The following CACHD1 variants were observed in gnomAD, a reference collection of about 807,000 sequenced individuals.
CACHD1 encodes the protein VWFA and cache domain-containing protein 1.
CACHD1 carries 71 observed loss-of-function variants against 138.7 expected under a neutral mutation model. The ratio of observed to expected loss-of-function variants is 0.51; its 90% CI spans 0.42 to 0.62. The LOEUF is 0.62. CACHD1 is among the 20% of genes least tolerant of loss of function. The pLI is 0.00. For synonymous variants in CACHD1, 578 were observed against 591.5 expected (o/e 0.98, Z 0.33); for missense variants, 1,389 against 1,625.3 (o/e 0.85, Z 2.50).
At chr1:64,673,536 A>G (rs988437459) in intron 19 of CACHD1, 72 bp downstream of exon 19, 10 of 1,194,668 alleles carry the variant, frequency 8.4e-6, no homozygotes, top group South Asian at 3.7e-5. Flanking sequence ...AATCATGGCT[A>G]GTGTCTGAAT....
chr1:64,658,518 C>G (rs1274435498), intron 12 of CACHD1, among the ~76,000 whole-genome samples, 187 bp from the exon 13 acceptor site: 3 of 152,104 alleles, frequency 2.0e-5, no homozygotes, highest in African/African-American at 7.2e-5. Context: ...GAAAAGAAAA[C>G]AGAAAATACA....
At chr1:64,620,718 C>A (rs111994839) in intron 4 of CACHD1, among the ~76,000 whole-genome samples, 1 of 152,144 alleles carries the variant, frequency 6.6e-6, no homozygotes, top group African/African-American at 2.4e-5. Context: ...TAATCTTTCT[C>A]AATGCATTAA....
chr1:64,683,767 C>G (rs74350455), intron 26 of CACHD1, among the ~76,000 whole-genome samples: 1,970 of 152,306 alleles, frequency 0.013, 42 homozygotes, highest in African/African-American at 0.045. Flanking sequence ...TTGACACTCC[C>G]CATATTCCAA....
At position 64,663,789 on chromosome 1, in the gene CACHD1, C is replaced by T. The variant is rs533984330; in HGVS notation, c.2046C>T (p.Thr682=). ...PETKRMVEHY[T]AYLSDNTRLI... is the part of the protein sequence containing the mutation. Reference sequence around the variant, plus strand: ...CAAAGCGCATGGTAGAGCACTACACCGCCTATCTCAGCGACAACACCCGCC... The same window carrying T: ...CAAAGCGCATGGTAGAGCACTACACTGCCTATCTCAGCGACAACACCCGCC... Residue 682 remains threonine (T), a synonymous_variant, in exon 14 of 27, where the codon ACC becomes ACT. Transcript: ENST00000651257. 73 of 1,614,076 alleles carry T rather than the reference C, an allele frequency of 4.5e-5. 1 individual carries two copies. The South Asian group carries it at 7.4e-4, about 16-fold the overall frequency.
At chr1:64,587,129 A>G (rs1392790964) in intron 3 of CACHD1, among the ~76,000 whole-genome samples, 1 of 152,232 alleles carries the variant, frequency 6.6e-6, no homozygotes, top group Non-Finnish European at 1.5e-5. Context: ...ACCCAGTGGT[A>G]TGATGGCTGT....
chr1:64,631,439 G>C (rs955481503), intron 5 of CACHD1, among the ~76,000 whole-genome samples: 2 of 152,132 alleles, frequency 1.3e-5, no homozygotes, highest in African/African-American at 4.8e-5. Context: ...ATTACTGCAG[G>C]ACTTTGGGCT....
intron 3 of CACHD1, among the ~76,000 whole-genome samples, chr1:64,598,318 T>A (rs140069779): frequency 2.0e-5 from 3 of 152,204 alleles, no homozygotes; most frequent in Admixed American, 1.3e-4. Flanking sequence ...TTTCTAGGCT[T>A]TTCATGCTAA....
At chr1:64,477,487 T>C (rs979634874) in intron 1 of CACHD1, among the ~76,000 whole-genome samples, 1 of 151,998 alleles carries the variant, frequency 6.6e-6, no homozygotes, top group African/African-American at 2.4e-5. Flanking sequence ...AAATAGCATA[T>C]GAATATCCAC....
intron 2 of CACHD1, among the ~76,000 whole-genome samples, chr1:64,565,275 G>C (rs574224414): frequency 1.3e-5 from 2 of 152,100 alleles, no homozygotes; most frequent in African/African-American, 2.4e-5. Context: ...CTCTTACCCA[G>C]ATCCACACTT....
intron 3 of CACHD1, among the ~76,000 whole-genome samples, chr1:64,590,962 C>T (rs1647095578): frequency 6.6e-6 from 1 of 152,192 alleles, no homozygotes; most frequent in Non-Finnish European, 1.5e-5. Context: ...AACTATATTT[C>T]AGAGACTCTT....
chr1:64,598,934 A>G (rs1481906789), intron 3 of CACHD1, among the ~76,000 whole-genome samples: 1 of 129,890 alleles, frequency 7.7e-6, no homozygotes, highest in Admixed American at 8.1e-5. Flanking sequence ...ATTATTATAT[A>G]TTAATATTAA....
chr1:64,627,284 A>G (rs559422758), intron 4 of CACHD1, among the ~76,000 whole-genome samples: 3 of 152,220 alleles, frequency 2.0e-5, no homozygotes, highest in Non-Finnish European at 4.4e-5. Context: ...GTGCCCACCT[A>G]TAGTCTTAGC....
intron 3 of CACHD1, among the ~76,000 whole-genome samples, chr1:64,595,676 T>C (rs1647144768): frequency 6.6e-6 from 1 of 152,200 alleles, no homozygotes; most frequent in Non-Finnish European, 1.5e-5. Flanking sequence ...ACCCTAGATG[T>C]CACCTGTGCA....
chr1:64,559,785 A>G (rs1363456450), intron 2 of CACHD1, among the ~76,000 whole-genome samples: 1 of 152,098 alleles, frequency 6.6e-6, no homozygotes, highest in East Asian at 1.9e-4. Flanking sequence ...TGGACCTGAT[A>G]TTTTCTCTGC....
intron 1 of CACHD1, among the ~76,000 whole-genome samples, chr1:64,494,699 G>A (rs1235885100): frequency 1.3e-5 from 2 of 152,104 alleles, no homozygotes; most frequent in African/African-American, 4.8e-5. Flanking sequence ...AGGAAAGGGG[G>A]GAAAATCTCC....
intron 1 of CACHD1, among the ~76,000 whole-genome samples, chr1:64,484,096 A>G (rs1646227570): frequency 6.6e-6 from 1 of 152,096 alleles, no homozygotes; most frequent in Non-Finnish European, 1.5e-5. Flanking sequence ...GTTCAATGCT[A>G]TATTCCTGTA....
chr1:64,504,715 C>T (rs1051061313), intron 1 of CACHD1, among the ~76,000 whole-genome samples: 1 of 152,160 alleles, frequency 6.6e-6, no homozygotes, highest in Non-Finnish European at 1.5e-5. Context: ...TACTCATGGG[C>T]AACGTACCTG....
chr1:64,472,060 G>C (rs1646148650), intron 1 of CACHD1, among the ~76,000 whole-genome samples: 1 of 152,140 alleles, frequency 6.6e-6, no homozygotes, highest in South Asian at 2.1e-4. Context: ...TCGAAAGATT[G>C]AAGTTTCCAA....
At chr1:64,630,016 C>T (rs1648245654) in intron 5 of CACHD1, among the ~76,000 whole-genome samples, 1 of 152,122 alleles carries the variant, frequency 6.6e-6, no homozygotes, top group Non-Finnish European at 1.5e-5. Flanking sequence ...GAGATTCTAC[C>T]ATGTAGCCAG....
Sources: gnomAD v4.1 joint callset for allele counts (sites outside exome capture counted in the v4.1 genomes callset) on GRCh38, gnomAD v4.1.1 for gene constraint, MANE v1.5 for transcripts, NCBI Gene and HGNC (gene_info 2026-07-23, HGNC 2026-07-21) for gene names.